RANBP17: variants seen among roughly 807,000 people sequenced by gnomAD.
The protein encoded by RANBP17 is ran-binding protein 17.
A neutral mutation model predicts 141.2 loss-of-function variants in RANBP17; 158 were observed. The ratio of observed to expected loss-of-function variants is 1.12; its 90% CI spans 0.98 to 1.28. RANBP17 has a LOEUF of 1.28. Ranked by LOEUF, RANBP17 falls within the 50% of genes most tolerant of loss-of-function variation. RANBP17 has a pLI of 0.00. For synonymous variants in RANBP17, 430 were observed against 450.0 expected (o/e 0.96, Z 0.56); for missense variants, 1,438 against 1,290.7 (o/e 1.11, Z -1.75).
chr5:170,933,426 T>C (rs1773572685), intron 12 of RANBP17, among the ~76,000 whole-genome samples: 2 of 152,242 alleles, frequency 1.3e-5, no homozygotes, highest in Non-Finnish European at 2.9e-5. Context: ...AGTTCTGCTC[T>C]GATCTTAGTT....
intron 14 of RANBP17, among the ~76,000 whole-genome samples, chr5:171,004,333 G>T (rs1033307689): frequency 3.3e-5 from 5 of 152,126 alleles, no homozygotes; most frequent in Non-Finnish European, 4.4e-5. Flanking sequence ...AATAATCAGG[G>T]AAGCAGATAA....
chr5:170,865,611 A>C lies in RANBP17; in HGVS notation c.18+3560A>C, dbSNP rs1161556428. 3.3e-5 allele frequency among the ~76,000 whole-genome samples: 5 copies of C among 152,016 alleles called. No homozygotes were observed. The East Asian group carries it at 9.6e-4, about 29-fold the overall frequency. ...TCTACTGTCTGTGAATATCAGGGGG[A>C]GGTGTTGAGTTGAGTCTTTATAGAA... On this transcript the variant is annotated intron_variant, in intron 1 of 27. Coordinates refer to ENST00000523189, the MANE Select transcript of RANBP17 (RefSeq NM_022897.5).
intron 14 of RANBP17, among the ~76,000 whole-genome samples, chr5:171,017,724 G>A (rs559492596): frequency 6.6e-6 from 1 of 152,212 alleles, no homozygotes; most frequent in East Asian, 1.9e-4. Flanking sequence ...TCTGATGATC[G>A]TTTCTTTTGC....
chr5:171,235,877 A>G (rs1171779135), intron 22 of RANBP17, among the ~76,000 whole-genome samples: 3 of 152,206 alleles, frequency 2.0e-5, no homozygotes, highest in Non-Finnish European at 4.4e-5. Flanking sequence ...TACAGATGCA[A>G]GCCATTTCAC....
intron 14 of RANBP17, among the ~76,000 whole-genome samples, chr5:171,124,194 A>G (rs1275256535): frequency 6.6e-6 from 1 of 152,162 alleles, no homozygotes; most frequent in Non-Finnish European, 1.5e-5. Context: ...CAAAGAATTC[A>G]GTGAATGAAA....
chr5:171,218,306 C>T (rs2127977959), intron 21 of RANBP17, among the ~76,000 whole-genome samples: 1 of 152,152 alleles, frequency 6.6e-6, no homozygotes, highest in African/African-American at 2.4e-5. Flanking sequence ...TGTTTTACTT[C>T]CAATTATGTG....
At chr5:170,965,339 T>G (rs1454537372) in intron 13 of RANBP17, among the ~76,000 whole-genome samples, 1 of 151,624 alleles carries the variant, frequency 6.6e-6, no homozygotes, top group Admixed American at 6.6e-5. Flanking sequence ...TTTCTCCCAT[T>G]TTGTAGGTTG....
intron 14 of RANBP17, among the ~76,000 whole-genome samples, chr5:171,064,369 T>A (rs1276342424): frequency 6.6e-6 from 1 of 152,220 alleles, no homozygotes; most frequent in Non-Finnish European, 1.5e-5. Flanking sequence ...GGTGAAAAAA[T>A]TGACTTTTAT....
chr5:171,245,046 G>A (rs1191091499), intron 24 of RANBP17, among the ~76,000 whole-genome samples: 5 of 151,752 alleles, frequency 3.3e-5, no homozygotes, highest in African/African-American at 1.2e-4. Flanking sequence ...GGAGAATGGC[G>A]TGCACCTGGG....
At chr5:170,965,125 G>T (rs1019690286) in intron 13 of RANBP17, among the ~76,000 whole-genome samples, 19 of 152,070 alleles carry the variant, frequency 1.2e-4, no homozygotes, top group African/African-American at 4.6e-4. Context: ...TTGTGGTTTT[G>T]ATTTGCATTT....
chr5:170,897,209 A>C, intron 5 of RANBP17: 5 of 693,842 alleles, frequency 7.2e-6, no homozygotes, highest in Non-Finnish European at 1.3e-5. Context: ...TGTGGATCAC[A>C]AAGTTTTTGG....
intron 14 of RANBP17, among the ~76,000 whole-genome samples, chr5:171,093,349 A>G (rs1786452479): frequency 6.6e-6 from 1 of 152,170 alleles, no homozygotes; most frequent in Non-Finnish European, 1.5e-5. Flanking sequence ...GTTTACTACT[A>G]CTTAGCACAT....
At chr5:171,000,859 G>A (rs1371393827) in intron 14 of RANBP17, among the ~76,000 whole-genome samples, 1 of 152,170 alleles carries the variant, frequency 6.6e-6, no homozygotes, top group Non-Finnish European at 1.5e-5. Flanking sequence ...TAAGGGTGGG[G>A]AAGATTACAA....
intron 14 of RANBP17, chr5:170,983,015 T>A (rs758953548): frequency 6.9e-5 from 31 of 446,434 alleles, no homozygotes; most frequent in Non-Finnish European, 1.1e-4. Context: ...AATAAAGACC[T>A]TTTCACTCAG....
At chr5:170,878,568 G>A (rs1351298563) in intron 2 of RANBP17, among the ~76,000 whole-genome samples, 8 of 151,988 alleles carry the variant, frequency 5.3e-5, no homozygotes, top group African/African-American at 1.9e-4. Flanking sequence ...ATCTAGATAG[G>A]GGAGGCAGAT....
At chr5:171,087,571 G>A (rs1381729932) in intron 14 of RANBP17, among the ~76,000 whole-genome samples, 4 of 151,718 alleles carry the variant, frequency 2.6e-5, no homozygotes, top group East Asian at 3.9e-4. Flanking sequence ...GGGTGTTAAA[G>A]TCTCCCATTA....
Position 170,896,568 on chromosome 5 carries a change from G to A in RANBP17, c.489+453G>A, listed in dbSNP as rs371745683. 4.5e-4 allele frequency among the ~76,000 whole-genome samples: 68 copies of A among 152,212 alleles called. 1 individual carries two copies. In the South Asian group the frequency reaches 0.013, roughly 28 times the overall value. ...TTTTTGACTGGGCCAGGTGGCTCAC[G>A]CCTGTAATGCCAGCACTTTGGGAGA... On this transcript the variant is annotated intron_variant, in intron 5 of 27. Transcript: ENST00000523189.
At chr5:170,908,936 G>GC (rs1159694004) in intron 5 of RANBP17, among the ~76,000 whole-genome samples, 1 of 151,820 alleles carries the variant, frequency 6.6e-6, no homozygotes, top group African/African-American at 2.4e-5. Flanking sequence ...TAATGCCATA[G>GC]CAACTGTAGA....
chr5:171,060,814 G>A (rs867787043), intron 14 of RANBP17, among the ~76,000 whole-genome samples: 108 of 152,256 alleles, frequency 7.1e-4, no homozygotes, highest in Admixed American at 1.1e-3. Context: ...TGGTTGGTAA[G>A]CTATTGATTA....
Sources: gnomAD v4.1 joint callset for allele counts (sites outside exome capture counted in the v4.1 genomes callset) on GRCh38, gnomAD v4.1.1 for gene constraint, MANE v1.5 for transcripts, NCBI Gene and HGNC (gene_info 2026-07-23, HGNC 2026-07-21) for gene names.